Variants in OPCML observed in about 807,000 individuals in gnomAD.
OPCML encodes the protein opioid binding protein/cell adhesion molecule like, also known as opioid-binding protein/cell adhesion molecule.
In OPCML, 13 loss-of-function variants were observed where a neutral mutation model predicts 37.8. The observed-to-expected ratio is 0.34, with a 90% confidence interval of 0.22 to 0.55. The LOEUF (loss-of-function observed/expected upper bound fraction) is 0.55. Ranked by LOEUF, OPCML falls within the 20% of genes least tolerant of loss-of-function variation. The pLI is 0.91. For synonymous variants in OPCML, 176 were observed against 168.8 expected (o/e 1.04, Z -0.33); for missense variants, 341 against 435.6 (o/e 0.78, Z 1.93).
At chr11:133,241,232 C>A (rs948912075) in intron 1 of OPCML, among the ~76,000 whole-genome samples, 1 of 152,218 alleles carries the variant, frequency 6.6e-6, no homozygotes. Flanking sequence ...CGTTAACACT[C>A]GGTTGTTAGA....
chr11:132,513,338 T>A (rs1039767458), intron 4 of OPCML, among the ~76,000 whole-genome samples: 3 of 152,258 alleles, frequency 2.0e-5, no homozygotes, highest in African/African-American at 7.2e-5. Flanking sequence ...AAAAGCAACA[T>A]TCAACTATTT....
chr11:133,290,416 A>G lies in OPCML; in HGVS notation c.61+241848T>C, dbSNP rs371946760. Reference sequence around the variant, plus strand: ...TTTGAGTGCAATCAATGGACAAATCAAAACTCCAAGAGGTAATTTACTCTC... The same window carrying G: ...TTTGAGTGCAATCAATGGACAAATCGAAACTCCAAGAGGTAATTTACTCTC... On this transcript the variant is annotated intron_variant, in intron 1 of 7. Transcript: ENST00000524381. Among the ~76,000 whole-genome samples the G allele has an allele frequency of 1.4e-4, 22 of 152,306 alleles. No individual in the cohort carries two copies. The East Asian group carries it at 3.9e-3, about 27-fold the overall frequency.
chr11:132,651,908 C>A (rs1302751071), intron 3 of OPCML, among the ~76,000 whole-genome samples: 1 of 152,124 alleles, frequency 6.6e-6, no homozygotes, highest in Admixed American at 6.5e-5. Context: ...AAGGAAGTAA[C>A]CTGTAGTGAA....
chr11:133,306,777 G>T (rs1051394842), intron 1 of OPCML, among the ~76,000 whole-genome samples: 2 of 152,158 alleles, frequency 1.3e-5, no homozygotes, highest in African/African-American at 2.4e-5. Flanking sequence ...AAATTGATGT[G>T]GTTCATAATT....
At chr11:132,670,507 C>T (rs1942426223) in intron 2 of OPCML, among the ~76,000 whole-genome samples, 1 of 151,954 alleles carries the variant, frequency 6.6e-6, no homozygotes, top group Non-Finnish European at 1.5e-5. Flanking sequence ...ATTTATGGAA[C>T]CAAAAAATAT....
intron 1 of OPCML, among the ~76,000 whole-genome samples, chr11:133,259,190 A>T (rs539080527): frequency 6.6e-6 from 1 of 152,334 alleles, no homozygotes; most frequent in African/African-American, 2.4e-5. Flanking sequence ...CAGAGACAGG[A>T]AAAGGAAGAG....
intron 1 of OPCML, among the ~76,000 whole-genome samples, chr11:133,045,677 T>C (rs1947996998): frequency 6.6e-6 from 1 of 152,206 alleles, no homozygotes; most frequent in Non-Finnish European, 1.5e-5. Context: ...TCACCTGTCA[T>C]CGGGCTTCAC....
intron 1 of OPCML, among the ~76,000 whole-genome samples, chr11:133,525,335 G>A (rs995240050): frequency 6.6e-6 from 1 of 152,202 alleles, no homozygotes; most frequent in African/African-American, 2.4e-5. Flanking sequence ...TGAAGCCCTT[G>A]AGGAAGGAGG....
intron 1 of OPCML, among the ~76,000 whole-genome samples, chr11:133,152,337 T>C (rs752358800): frequency 2.6e-4 from 39 of 152,210 alleles, no homozygotes; most frequent in Non-Finnish European, 4.3e-4. Context: ...ACTCCATTGT[T>C]ATCTGGAGCT....
At chr11:132,539,510 ATGC>A (rs375680037) in intron 3 of OPCML, among the ~76,000 whole-genome samples, 2,300 of 152,188 alleles carry the variant, frequency 0.015, 56 homozygotes, top group African/African-American at 0.047. Context: ...GTTTAAAGAC[ATGC>A]TGCTGCTGCT....
intron 1 of OPCML, among the ~76,000 whole-genome samples, chr11:133,383,682 G>C (rs1423222314): frequency 1.3e-5 from 2 of 152,142 alleles, no homozygotes; most frequent in African/African-American, 4.8e-5. Context: ...TTCTTTGGGA[G>C]CAAGCATCAG....
intron 1 of OPCML, among the ~76,000 whole-genome samples, chr11:133,176,195 G>A (rs1282463674): frequency 6.6e-6 from 1 of 152,180 alleles, no homozygotes; most frequent in Non-Finnish European, 1.5e-5. Context: ...AATTTAAAGA[G>A]AGCAAGGTTT....
At chr11:133,515,539 G>A (rs1471086223) in intron 1 of OPCML, among the ~76,000 whole-genome samples, 2 of 152,170 alleles carry the variant, frequency 1.3e-5, no homozygotes, top group Non-Finnish European at 2.9e-5. Context: ...AATCAAGTTC[G>A]AGAAGCTAAT....
chr11:132,573,755 T>C (rs1453144626), intron 3 of OPCML, among the ~76,000 whole-genome samples: 1 of 151,958 alleles, frequency 6.6e-6, no homozygotes, highest in East Asian at 1.9e-4. Context: ...ATAAAAACAG[T>C]TTAGAAGTGT....
intron 1 of OPCML, among the ~76,000 whole-genome samples, chr11:133,466,167 G>T (rs1946973724): frequency 2.6e-5 from 4 of 151,962 alleles, no homozygotes; most frequent in African/African-American, 9.7e-5. Flanking sequence ...CAAGAAGTAT[G>T]TAATGTACAC....
At chr11:133,281,815 T>C (rs1942166173) in intron 1 of OPCML, among the ~76,000 whole-genome samples, 3 of 151,982 alleles carry the variant, frequency 2.0e-5, no homozygotes, top group Admixed American at 1.3e-4. Context: ...AATGAACTTA[T>C]CGGAAACTGC....
rs118045070 is a variant in OPCML, at chr11:132,569,962, A to G, written c.380-40776T>C. ...ATGATGCATTCAGTGAAAAAAAAAA[A>G]CCGAAAAGCTAATGAATCCAGGTGA... On this transcript the variant is annotated intron_variant, in intron 3 of 7. Coordinates refer to ENST00000524381, the MANE Select transcript of OPCML (RefSeq NM_001012393.5). Among the ~76,000 whole-genome samples the G allele has an allele frequency of 1.4e-4, 22 of 152,120 alleles. 1 individual carries two copies. In the East Asian group the frequency reaches 4.1e-3, roughly 28 times the overall value.
chr11:132,521,226 G>GT (rs919904837), intron 4 of OPCML, among the ~76,000 whole-genome samples: 15 of 151,872 alleles, frequency 9.9e-5, no homozygotes, highest in African/African-American at 3.1e-4. Context: ...TGATAGGACT[G>GT]TTTTTTTATC....
At chr11:132,887,147 C>T (rs2136448174) in intron 2 of OPCML, among the ~76,000 whole-genome samples, 1 of 152,258 alleles carries the variant, frequency 6.6e-6, no homozygotes, top group South Asian at 2.1e-4. Flanking sequence ...TCTCGTAGGA[C>T]CATAATACCA....
Sources: allele counts gnomAD v4.1 joint callset (sites outside exome capture counted in the v4.1 genomes callset), GRCh38; gene constraint gnomAD v4.1.1; transcripts MANE v1.5; gene names NCBI Gene and HGNC (gene_info 2026-07-23, HGNC 2026-07-21).